The following APTX variants were observed in gnomAD, a reference collection of about 807,000 sequenced individuals.
The protein encoded by APTX is aprataxin, also known as forkhead-associated domain histidine triad-like protein.
In APTX, 33 loss-of-function variants were observed where a neutral mutation model predicts 42.3. The observed-to-expected ratio is 0.78, with a 90% CI of 0.59 to 1.04. APTX has a LOEUF of 1.04. APTX is among the 50% of genes least tolerant of loss of function. The probability of loss-of-function intolerance (pLI) is 0.00; values close to 1 mark genes in which losing one functional copy is unlikely to be tolerated. For synonymous variants in APTX, 130 were observed against 146.7 expected, an observed-to-expected ratio of 0.89 and a Z score of 0.82; for missense variants, 421 against 415.1, an observed-to-expected ratio of 1.01 and a Z score of -0.12.
chr9:33,001,975 T>G (rs935327137), upstream of APTX, among the ~76,000 whole-genome samples: 38 of 152,338 alleles, frequency 2.5e-4, no homozygotes, highest in African/African-American at 7.9e-4. Flanking sequence ...TCTCTCCTGC[T>G]GCAGACAACC....
intron 1 of APTX, among the ~76,000 whole-genome samples, chr9:33,015,228 T>C (rs762620067): frequency 4.6e-5 from 7 of 152,262 alleles, no homozygotes; most frequent in African/African-American, 1.4e-4. Context: ...TATAATACAT[T>C]ATACACATCT....
chr9:32,985,889 T>G, intron 5 of APTX, 82 bp downstream of exon 5: 1 of 1,249,824 alleles, frequency 8.0e-7, no homozygotes. Context: ...TGATATCCTT[T>G]GATTTCATTT....
chr9:32,998,710 G>C (rs1053058545), intron 1 of APTX, among the ~76,000 whole-genome samples: 9 of 152,038 alleles, frequency 5.9e-5, no homozygotes, highest in African/African-American at 2.2e-4. Context: ...TCACACACTG[G>C]GGCGTGTCAG....
At chr9:33,011,334 C>CTAGA (rs754302865) in intron 1 of APTX, among the ~76,000 whole-genome samples, 58 of 151,438 alleles carry the variant, frequency 3.8e-4, no homozygotes, top group Non-Finnish European at 6.8e-4. Context: ...GTCACCCAGG[C>CTAGA]TAGAGTGCAG....
intron 1 of APTX, among the ~76,000 whole-genome samples, chr9:33,013,133 A>G (rs1837653539): frequency 6.6e-6 from 1 of 152,200 alleles, no homozygotes; most frequent in Admixed American, 6.5e-5. Flanking sequence ...GAATAGGATA[A>G]TTTCTATGAC....
intron 1 of APTX, among the ~76,000 whole-genome samples, chr9:33,014,987 T>C (rs1292004638): frequency 1.3e-5 from 2 of 152,234 alleles, no homozygotes; most frequent in East Asian, 3.8e-4. Flanking sequence ...GTGGGACCAA[T>C]GAGGTTGTCA....
chr9:32,978,490 GC>G (rs974930843), intron 6 of APTX, among the ~76,000 whole-genome samples: 37 of 152,258 alleles, frequency 2.4e-4, no homozygotes, highest in African/African-American at 8.4e-4. Flanking sequence ...AGAATGAGGG[GC>G]AAGAGACGGG....
At chr9:32,973,711 C>CAAAAAAAAAAAAAAAAAAAAAAAAAAA in intron 7 of APTX, 59 bp from the exon 8 acceptor site, 2 of 1,331,630 alleles carry the variant, frequency 1.5e-6, no homozygotes, top group African/African-American at 1.6e-5. Context: ...TATGAGATAC[C>CAAAAAAAAAAAAAAAAAAAAAAAAAAA]AAAAAAAAAA....
At chr9:33,001,658 G>A, upstream of APTX, 1 of 1,608,112 alleles carries the variant, frequency 6.2e-7, no homozygotes, top group Non-Finnish European at 8.5e-7. Context: ...CGGCTGTATC[G>A]CGACCAGTGA....
chr9:32,984,594 A>C, intron 6 of APTX, 37 bp downstream of exon 6: 3 of 1,593,932 alleles, frequency 1.9e-6, no homozygotes, highest in Non-Finnish European at 2.6e-6. Context: ...CCACCTGGAC[A>C]GAACCAGGAG....
At chr9:33,008,042 C>T (rs1837282921) in intron 1 of APTX, among the ~76,000 whole-genome samples, 1 of 152,178 alleles carries the variant, frequency 6.6e-6, no homozygotes, top group Admixed American at 6.5e-5. Flanking sequence ...ACCTAATGCA[C>T]TCCTCCTATT....
chr9:32,972,914 A>C lies in APTX; in HGVS notation c.*584T>G. ...ACACCATCATCTAGCCTCTTTTCTCACTGTGAAGAACTGATGAGACAGAAT... is the reference window on the plus strand; with the variant it reads ...ACACCATCATCTAGCCTCTTTTCTCCCTGTGAAGAACTGATGAGACAGAAT... On this transcript the variant is annotated 3_prime_UTR_variant, in exon 8 of 8. Transcript: ENST00000379817. 1 of 454,110 alleles carries C rather than the reference A, an allele frequency of 2.2e-6. No individual in the cohort carries two copies. Among genetic ancestry groups the C allele is most frequent in the African/African-American group, 2.0e-5 (1 of 50,130 alleles). 28.1% of individuals were successfully genotyped at this position (454,110 alleles called of 1,614,324 possible).
Position 32,999,738 on chromosome 9 carries a change from G to T in APTX, c.-5+1829C>A, listed in dbSNP as rs146291542. ...CGCCTGTAATCCCAGCACTTTGGGA[G>T]GCCGAGGCAGGCAGATTACGAGGTC... is the stretch of plus-strand genomic sequence containing the variant. On this transcript the variant is annotated intron_variant, in intron 1 of 7. Transcript: ENST00000379817. Among the ~76,000 whole-genome samples, 222 of 152,284 alleles carry T rather than the reference G, an allele frequency of 1.5e-3. 1 individual carries two copies. The highest frequency in any genetic ancestry group is 2.7e-3 in the Non-Finnish European group (183 of 68,022).
intron 6 of APTX, among the ~76,000 whole-genome samples, chr9:32,983,778 C>T (rs552506432): frequency 1.1e-3 from 163 of 152,166 alleles, no homozygotes; most frequent in South Asian, 9.5e-3. Context: ...TTGTATGATT[C>T]CTCTAATATG....
At chr9:32,984,932 A>G (rs1831573200) in intron 5 of APTX, 75 bp from the exon 6 acceptor site, 1 of 1,335,522 alleles carries the variant, frequency 7.5e-7, no homozygotes, top group Non-Finnish European at 1.1e-6. Flanking sequence ...TATATTCACT[A>G]AGTCACTTAA....
At position 32,982,425 on chromosome 9, in the gene APTX, G is replaced by A. The variant is rs138575982; in HGVS notation, c.770+2206C>T. ...CAGTTTAGTAAGTTATCTAAAATAAGGTCTATAGTTTAGTTATCTACAGTT... is the reference window on the plus strand; with the variant it reads ...CAGTTTAGTAAGTTATCTAAAATAAAGTCTATAGTTTAGTTATCTACAGTT... On this transcript the variant is annotated intron_variant, in intron 6 of 7. Transcript: ENST00000379817. 1.0e-3 allele frequency among the ~76,000 whole-genome samples: 153 copies of A among 152,112 alleles called. 1 individual carries two copies. The highest frequency in any genetic ancestry group is 3.6e-3 in the African/African-American group (151 of 41,526).
upstream of APTX, among the ~76,000 whole-genome samples, chr9:33,004,202 T>C (rs568840335): frequency 5.3e-5 from 8 of 152,244 alleles, no homozygotes; most frequent in African/African-American, 1.9e-4. Flanking sequence ...TTCTCACTTA[T>C]AATTGGCAGC....
chr9:33,023,650 T>C (rs77014812), intron 1 of APTX, among the ~76,000 whole-genome samples: 6,154 of 152,248 alleles, frequency 0.04, 191 homozygotes, highest in East Asian at 0.13. Context: ...ACACCTAAGA[T>C]TGAAAAAAAT....
intron 6 of APTX, among the ~76,000 whole-genome samples, chr9:32,978,010 A>G (rs544764399): frequency 6.6e-6 from 1 of 152,340 alleles, no homozygotes; most frequent in African/African-American, 2.4e-5. Context: ...AAATCTAATT[A>G]CAAAATCCAT....
Sources: allele counts gnomAD v4.1 joint callset (sites outside exome capture counted in the v4.1 genomes callset), GRCh38; gene constraint gnomAD v4.1.1; transcripts MANE v1.5; gene names NCBI Gene and HGNC (gene_info 2026-07-23, HGNC 2026-07-21).